Variants in AGO3 observed in about 807,000 individuals in gnomAD.
AGO3 encodes argonaute RISC catalytic component 3.
In AGO3, 16 loss-of-function variants were observed where a neutral mutation model predicts 105.5. The ratio of observed to expected loss-of-function variants is 0.15; its 90% CI spans 0.10 to 0.23. AGO3 has a LOEUF of 0.23. AGO3 is among the 10% of genes least tolerant of loss of function. The pLI is 1.00. For missense variants in AGO3, 534 were observed against 1,088.0 expected (o/e 0.49, Z 7.16); for synonymous variants, 340 against 367.3 (o/e 0.93, Z 0.85).
chr1:36,018,723 A>T (rs757328068), intron 11 of AGO3, among the ~76,000 whole-genome samples: 1 of 151,996 alleles, frequency 6.6e-6, no homozygotes, highest in Non-Finnish European at 1.5e-5. Flanking sequence ...GAGCCACCAC[A>T]CCTGGCCAAT....
intron 9 of AGO3, among the ~76,000 whole-genome samples, chr1:36,012,632 A>G (rs1394206458): frequency 1.3e-5 from 2 of 152,136 alleles, no homozygotes; most frequent in African/African-American, 2.4e-5. Context: ...AAGATTTTTA[A>G]TATTTCCTAT....
At chr1:36,023,972 A>G (rs1165587606) in intron 11 of AGO3, among the ~76,000 whole-genome samples, 1 of 152,020 alleles carries the variant, frequency 6.6e-6, no homozygotes, top group African/African-American at 2.4e-5. Context: ...CAATTTTCAC[A>G]TTACCTAACA....
rs955606030 is a variant in AGO3, at chr1:36,010,415, G to A, written c.1149+821G>A. Among the ~76,000 whole-genome samples the A allele has an allele frequency of 3.3e-5, 5 of 151,920 alleles. No individual in the cohort carries two copies. The East Asian group carries it at 9.7e-4, about 30-fold the overall frequency. On this transcript the variant is annotated intron_variant, in intron 9 of 18. Transcript: ENST00000373191. ...GGCCAGGAATTTGGGACCAGCCTGG[G>A]AAACATGGCAAAATGCCATCTCTAC...
At chr1:35,941,769 G>A (rs1008341869) in intron 1 of AGO3, among the ~76,000 whole-genome samples, 1 of 152,226 alleles carries the variant, frequency 6.6e-6, no homozygotes, top group Non-Finnish European at 1.5e-5. Flanking sequence ...AAGGTGGGCA[G>A]ATCAGTTGTT....
In AGO3 at chr1:36,040,569, A is replaced by T. The variant is rs1000899158; in HGVS notation, c.2172+128A>T. The T allele has an allele frequency of 6.2e-6, 6 of 970,224 alleles. No individual in the cohort carries two copies. The African/African-American group carries it at 9.8e-5, about 16-fold the overall frequency. 60.1% of individuals were successfully genotyped at this position (970,224 alleles called of 1,614,324 possible). ...TATAGTAGCAAATTTCAACAATTAC[A>T]TTATGAGTATAGAAGCATCAAAATA... On this transcript the variant is annotated intron_variant, in intron 16 of 18. Transcript: ENST00000373191.
At chr1:36,012,696 A>G (rs1640678584) in intron 9 of AGO3, among the ~76,000 whole-genome samples, 1 of 152,178 alleles carries the variant, frequency 6.6e-6, no homozygotes, top group Middle Eastern at 3.2e-3. Flanking sequence ...TCCCATAGTC[A>G]GAGGTTCTTA....
intron 14 of AGO3, among the ~76,000 whole-genome samples, chr1:36,038,997 T>TTTTCTTA (rs1325470026): frequency 6.6e-6 from 1 of 152,206 alleles, no homozygotes; most frequent in African/African-American, 2.4e-5. Context: ...GGTCCTTGTT[T>TTTTCTTA]TTTCTTATTT....
chr1:36,014,138 A>G lies in AGO3; in HGVS notation c.1406+90A>G, dbSNP rs186794083. The G allele has an allele frequency of 2.6e-4, 395 of 1,530,086 alleles. 2 individuals are homozygous for G. The East Asian group carries it at 7.8e-3, about 30-fold the overall frequency. The allele number at this position is 1,530,086 out of a possible 1,614,324, so 94.8% of individuals were successfully genotyped here. ...ATGTTCTAACAGATGTTGCCTTAAT[A>G]TGAAGTATATGTAATCACTGAACCA... On this transcript the variant is annotated intron_variant, in intron 11 of 18. Transcript: ENST00000373191.
chr1:35,975,037 A>G (rs2148777515), intron 5 of AGO3, among the ~76,000 whole-genome samples: 1 of 152,276 alleles, frequency 6.6e-6, no homozygotes, highest in East Asian at 1.9e-4. Context: ...TTAGATGTAT[A>G]CTAGGGTTAT....
chr1:36,018,944 A>G (rs780423140), intron 11 of AGO3, among the ~76,000 whole-genome samples: 1 of 151,956 alleles, frequency 6.6e-6, no homozygotes, highest in Non-Finnish European at 1.5e-5. Flanking sequence ...AACTTACCTC[A>G]TTAGCTTTAC....
chr1:35,995,176 G>C (rs1239697035), intron 5 of AGO3, among the ~76,000 whole-genome samples: 1 of 144,628 alleles, frequency 6.9e-6, no homozygotes. Flanking sequence ...ACTCCAGCCT[G>C]GGCAACAGAG....
At chr1:36,018,633 A>G (rs1416130619) in intron 11 of AGO3, among the ~76,000 whole-genome samples, 5 of 151,716 alleles carry the variant, frequency 3.3e-5, no homozygotes, top group East Asian at 1.9e-4. Flanking sequence ...GGGTTTCACC[A>G]TGTTGGCCAG....
At chr1:36,015,029 A>T (rs1640831488) in intron 11 of AGO3, among the ~76,000 whole-genome samples, 1 of 152,014 alleles carries the variant, frequency 6.6e-6, no homozygotes, top group African/African-American at 2.4e-5. Context: ...GTGTCCTCCA[A>T]TTCAGTTATT....
intron 1 of AGO3, among the ~76,000 whole-genome samples, chr1:35,941,675 G>A (rs192991033): frequency 6.6e-6 from 1 of 152,272 alleles, no homozygotes; most frequent in East Asian, 1.9e-4. Flanking sequence ...TTGGTATGAA[G>A]ATTAAATGAG....
At chr1:35,971,786 T>C (rs1264659059) in intron 3 of AGO3, among the ~76,000 whole-genome samples, 1 of 152,192 alleles carries the variant, frequency 6.6e-6, no homozygotes, top group East Asian at 1.9e-4. Context: ...TCATTCTTTT[T>C]TCATAGCCGC....
intron 5 of AGO3, among the ~76,000 whole-genome samples, chr1:35,997,216 T>C (rs929189390): frequency 6.6e-6 from 1 of 151,576 alleles, no homozygotes; most frequent in Non-Finnish European, 1.5e-5. Context: ...GAGGTGGAGG[T>C]TGGAGTGAAC....
intron 11 of AGO3, among the ~76,000 whole-genome samples, chr1:36,023,640 T>A (rs1641350382): frequency 6.6e-6 from 1 of 152,246 alleles, no homozygotes; most frequent in South Asian, 2.1e-4. Context: ...ACTCAGCAAT[T>A]GGTACAAGAA....
chr1:35,963,241 C>T (rs956005213), intron 2 of AGO3, among the ~76,000 whole-genome samples: 1 of 152,184 alleles, frequency 6.6e-6, no homozygotes, highest in African/African-American at 2.4e-5. Context: ...TACTGTGAAT[C>T]TGCAATGCTG....
At chr1:35,941,821 T>C (rs1571409129) in intron 1 of AGO3, among the ~76,000 whole-genome samples, 1 of 152,210 alleles carries the variant, frequency 6.6e-6, no homozygotes, top group Non-Finnish European at 1.5e-5. Context: ...GGTGAAACCC[T>C]GTCTCTACCA....
Sources: gnomAD v4.1 joint callset for allele counts (sites outside exome capture counted in the v4.1 genomes callset) on GRCh38, gnomAD v4.1.1 for gene constraint, MANE v1.5 for transcripts, NCBI Gene and HGNC (gene_info 2026-07-23, HGNC 2026-07-21) for gene names.